Variants in RREB1 observed in about 807,000 individuals in gnomAD.
RREB1 encodes ras responsive element binding protein 1, also known as ras-responsive element-binding protein 1.
A neutral mutation model predicts 117.8 loss-of-function variants in RREB1; 27 were observed. The observed-to-expected ratio is 0.23, with a 90% CI of 0.17 to 0.32. The LOEUF is 0.32. Ranked by LOEUF, RREB1 falls within the 10% of genes least tolerant of loss-of-function variation. RREB1 has a pLI of 1.00. For synonymous variants in RREB1, 1,298 were observed against 1,026.7 expected, an observed-to-expected ratio of 1.26 and a Z score of -5.05; for missense variants, 2,577 against 2,378.2, an observed-to-expected ratio of 1.08 and a Z score of -1.74.
At chr6:7,154,902 C>G (rs1249925313) in intron 1 of RREB1, among the ~76,000 whole-genome samples, 1 of 152,160 alleles carries the variant, frequency 6.6e-6, no homozygotes, top group Non-Finnish European at 1.5e-5. Flanking sequence ...AGCCCCCTTA[C>G]CACGAGCTTC....
At chr6:7,147,362 G>T (rs911731299) in intron 1 of RREB1, among the ~76,000 whole-genome samples, 2 of 152,206 alleles carry the variant, frequency 1.3e-5, no homozygotes, top group Admixed American at 6.5e-5. Context: ...GTTCAGAAAA[G>T]AGGTCTTCCT....
At chr6:7,132,689 C>CT (rs1322307976) in intron 1 of RREB1, among the ~76,000 whole-genome samples, 3 of 152,010 alleles carry the variant, frequency 2.0e-5, no homozygotes, top group African/African-American at 4.8e-5. Context: ...ACACACAGAT[C>CT]TTTTTTTTCT....
chr6:7,219,263 C>T lies in RREB1; in HGVS notation c.708-7204C>T, dbSNP rs112989376. On this transcript the variant is annotated intron_variant, in intron 8 of 12. Coordinates refer to ENST00000379938, the MANE Select transcript of RREB1 (RefSeq NM_001003699.4). Reference sequence around the variant, plus strand: ...CCCTCCTGGCTGACCGAGTGAGACGCTGTTTCTAAAATAATAAAAATAAAA... The same window carrying T: ...CCCTCCTGGCTGACCGAGTGAGACGTTGTTTCTAAAATAATAAAAATAAAA... Among the ~76,000 whole-genome samples the T allele has an allele frequency of 1.4e-4, 21 of 152,178 alleles. 1 individual carries two copies. The highest frequency in any genetic ancestry group is 4.3e-4 in the African/African-American group (18 of 41,528).
intron 1 of RREB1, among the ~76,000 whole-genome samples, chr6:7,147,876 T>C (rs1762943808): frequency 6.6e-6 from 1 of 152,060 alleles, no homozygotes; most frequent in Non-Finnish European, 1.5e-5. Flanking sequence ...AAAGTTTGTG[T>C]TTTAAGCTGC....
chr6:7,242,374 C>T (rs75303741), intron 11 of RREB1, among the ~76,000 whole-genome samples: 84 of 152,232 alleles, frequency 5.5e-4, no homozygotes, highest in Non-Finnish European at 6.6e-4. Flanking sequence ...AAAGCCCTTT[C>T]CCACCTCCAC....
intron 1 of RREB1, among the ~76,000 whole-genome samples, chr6:7,125,766 C>G (rs947590863): frequency 6.6e-6 from 1 of 150,588 alleles, no homozygotes; most frequent in Non-Finnish European, 1.5e-5. Context: ...GGTGTTGTTT[C>G]TTTGTTGTTT....
At chr6:7,149,950 A>C (rs1290413374) in intron 1 of RREB1, among the ~76,000 whole-genome samples, 2 of 150,616 alleles carry the variant, frequency 1.3e-5, no homozygotes, top group African/African-American at 4.9e-5. Context: ...CGGCCTCCCA[A>C]AGTGCTGGGA....
At chr6:7,164,187 G>A (rs527823878) in intron 1 of RREB1, among the ~76,000 whole-genome samples, 2 of 152,250 alleles carry the variant, frequency 1.3e-5, no homozygotes, top group Admixed American at 6.5e-5. Flanking sequence ...GAGAGTTGGC[G>A]CAGAAATTCA....
intron 1 of RREB1, among the ~76,000 whole-genome samples, chr6:7,126,041 G>A (rs969922059): frequency 6.6e-6 from 1 of 151,970 alleles, no homozygotes; most frequent in African/African-American, 2.4e-5. Context: ...TTGCTCTGTC[G>A]CCCAAGCTGG....
At chr6:7,151,829 T>G (rs538730468) in intron 1 of RREB1, among the ~76,000 whole-genome samples, 11 of 152,366 alleles carry the variant, frequency 7.2e-5, no homozygotes, top group African/African-American at 9.6e-5. Flanking sequence ...ACAAATCTTT[T>G]TGGACATTTT....
intron 6 of RREB1, among the ~76,000 whole-genome samples, chr6:7,193,338 G>C (rs1765507208): frequency 6.6e-6 from 1 of 152,152 alleles, no homozygotes; most frequent in Non-Finnish European, 1.5e-5. Flanking sequence ...TAGATTTGCT[G>C]TTGGGTCTAG....
intron 11 of RREB1, among the ~76,000 whole-genome samples, chr6:7,243,090 G>A (rs532488195): frequency 1.1e-4 from 16 of 152,244 alleles, no homozygotes; most frequent in African/African-American, 2.6e-4. Flanking sequence ...AATGGTGGCC[G>A]CCTTTACCAG....
At chr6:7,124,921 A>C (rs1036666601) in intron 1 of RREB1, among the ~76,000 whole-genome samples, 1 of 152,214 alleles carries the variant, frequency 6.6e-6, no homozygotes, top group Non-Finnish European at 1.5e-5. Context: ...GACCTCTGGC[A>C]GACTACCTGT....
Position 7,246,739 on chromosome 6 carries a change from C to T in RREB1, c.4289C>T (p.Ala1430Val), listed in dbSNP as rs943754118. 61 of 1,574,664 alleles carry T rather than the reference C, an allele frequency of 3.9e-5. No individual in the cohort carries two copies. In the East Asian group the frequency reaches 1.2e-3, roughly 30 times the overall value. ...ACCAAGCTCATGGACTTCAAGCTGG[C>T]GGAGGGCGACGGCGAGGCAGGCGCC... ...FATKLMDFKL[A>V]EGDGEAGAGG... The change falls in exon 12 of 13, where the codon GCG becomes GTG. Residue 1430 changes from alanine (A) to valine (V), a missense_variant. Physicochemically the swap from Ala to Val is moderately conservative, Grantham distance 64 (BLOSUM62 0). Transcript: ENST00000379938.
chr6:7,205,254 C>CG (rs1181897665), intron 6 of RREB1, among the ~76,000 whole-genome samples: 1 of 152,158 alleles, frequency 6.6e-6, no homozygotes, highest in Non-Finnish European at 1.5e-5. Context: ...GGATGGGACT[C>CG]GGGGGTTTTT....
chr6:7,110,479 G>GGTGTGTGTGTGTGTGTGTGTGT lies in RREB1; in HGVS notation c.-285+2437_-285+2438insGTGTGTGTGTGTGTGTGTGTGT, dbSNP rs111267508. 2.0e-4 allele frequency among the ~76,000 whole-genome samples: 30 copies of GGTGTGTGTGTGTGTGTGTGTGT among 149,620 alleles called. 1 individual carries two copies. Among genetic ancestry groups the GGTGTGTGTGTGTGTGTGTGTGT allele is most frequent in the Admixed American group, 1.1e-3 (16 of 15,098 alleles). ...AGACAGAATCACTAATTTTAGGGGT[G>GGTGTGTGTGTGTGTGTGTGTGT]GTGTGTGTGTGTGTGTGTATGTGTT... On this transcript the variant is annotated intron_variant, in intron 1 of 12. Transcript: ENST00000379938.
chr6:7,170,853 A>G (rs1356979694), intron 1 of RREB1, among the ~76,000 whole-genome samples: 7 of 152,142 alleles, frequency 4.6e-5, no homozygotes, highest in Admixed American at 3.9e-4. Context: ...TGAGATCCTG[A>G]GCTTCTTCAT....
intron 9 of RREB1, 86 bp downstream of exon 9, chr6:7,226,742 T>C (rs552669103): frequency 9.9e-5 from 103 of 1,037,060 alleles, no homozygotes; most frequent in Non-Finnish European, 1.3e-4. Context: ...CTCCTCAGGG[T>C]TTCTTTCCTT....
At chr6:7,132,165 C>T (rs536412238) in intron 1 of RREB1, among the ~76,000 whole-genome samples, 1 of 152,174 alleles carries the variant, frequency 6.6e-6, no homozygotes, top group Non-Finnish European at 1.5e-5. Flanking sequence ...AGCGATTCTC[C>T]TGCCTTAGCC....
Sources: allele counts gnomAD v4.1 joint callset (sites outside exome capture counted in the v4.1 genomes callset), GRCh38; gene constraint gnomAD v4.1.1; transcripts MANE v1.5; gene names NCBI Gene and HGNC (gene_info 2026-07-23, HGNC 2026-07-21).